The following LDLRAD3 variants were observed in gnomAD, a reference collection of about 807,000 sequenced individuals.
The protein encoded by LDLRAD3 is low-density lipoprotein receptor class A domain-containing protein 3.
In LDLRAD3, 20 loss-of-function variants were observed where a neutral mutation model predicts 29.4. The ratio of observed to expected loss-of-function variants is 0.68; its 90% confidence interval spans 0.48 to 0.99. The LOEUF is 0.99. Ranked by LOEUF, LDLRAD3 falls within the 50% of genes least tolerant of loss-of-function variation. LDLRAD3 has a pLI of 0.00. For missense variants in LDLRAD3, 420 were observed against 454.3 expected (o/e 0.92, Z 0.69); for synonymous variants, 157 against 192.7 (o/e 0.81, Z 1.53).
intron 1 of LDLRAD3, among the ~76,000 whole-genome samples, chr11:36,019,214 C>G (rs960237759): frequency 6.6e-6 from 1 of 152,136 alleles, no homozygotes. Flanking sequence ...GGGTTGGAGC[C>G]TGTTGGAGCT....
intron 4 of LDLRAD3, among the ~76,000 whole-genome samples, chr11:36,177,391 T>G (rs1439536106): frequency 6.6e-6 from 1 of 152,054 alleles, no homozygotes; most frequent in Non-Finnish European, 1.5e-5. Context: ...ATAAAGAACC[T>G]TGCTTTGTCA....
At chr11:36,165,896 G>A (rs915052524) in intron 4 of LDLRAD3, among the ~76,000 whole-genome samples, 6 of 151,034 alleles carry the variant, frequency 4.0e-5, no homozygotes, top group Admixed American at 3.3e-4. Flanking sequence ...TTTAGTAACC[G>A]TTGAGTGCCT....
chr11:36,120,157 T>C (rs1853732978), intron 4 of LDLRAD3, among the ~76,000 whole-genome samples: 1 of 152,262 alleles, frequency 6.6e-6, no homozygotes. Flanking sequence ...CTCCCTTGGC[T>C]ATATTTCTAG....
intron 1 of LDLRAD3, chr11:35,967,930 C>T (rs561957507): frequency 1.0e-4 from 40 of 391,006 alleles, no homozygotes; most frequent in Non-Finnish European, 1.6e-4. Flanking sequence ...ATAAACTTCA[C>T]GCAAAGCCAA....
intron 4 of LDLRAD3, among the ~76,000 whole-genome samples, chr11:36,159,564 G>A (rs1409259725): frequency 7.6e-6 from 1 of 131,666 alleles, no homozygotes; most frequent in Non-Finnish European, 1.5e-5. Context: ...TTCAAGACCA[G>A]CCTGGTCAAC....
intron 4 of LDLRAD3, among the ~76,000 whole-genome samples, chr11:36,128,318 G>C (rs946143335): frequency 6.6e-6 from 1 of 151,890 alleles, no homozygotes; most frequent in Non-Finnish European, 1.5e-5. Flanking sequence ...GGAGAATATT[G>C]GTCCATCTCA....
intron 1 of LDLRAD3, among the ~76,000 whole-genome samples, chr11:36,034,943 G>A (rs888803883): frequency 1.3e-5 from 2 of 152,188 alleles, no homozygotes; most frequent in African/African-American, 4.8e-5. Flanking sequence ...TCTTTGGCAA[G>A]GTTTATGAAA....
At chr11:36,054,980 TGGATGGATGGATGGA>T (rs1852594086) in intron 2 of LDLRAD3, among the ~76,000 whole-genome samples, 1 of 122,526 alleles carries the variant, frequency 8.2e-6, no homozygotes, top group Admixed American at 9.5e-5. Context: ...CATGGATGGA[TGGATGGATGGATGGA>T]TGGATGCATG....
chr11:36,128,159 AC>A (rs1554966887), intron 4 of LDLRAD3, among the ~76,000 whole-genome samples: 1 of 77,310 alleles, frequency 1.3e-5, no homozygotes. Flanking sequence ...AGGCAATTAA[AC>A]TTAGAATGGG....
intron 1 of LDLRAD3, among the ~76,000 whole-genome samples, chr11:35,991,867 T>TG (rs1565147663): frequency 0.016 from 1,319 of 82,770 alleles, 17 homozygotes; most frequent in African/African-American, 0.036. Context: ...GAATGGTTGT[T>TG]TGTGTGTGTG....
chr11:36,119,485 A>G (rs550734896), intron 4 of LDLRAD3, among the ~76,000 whole-genome samples: 64 of 149,624 alleles, frequency 4.3e-4, no homozygotes, highest in Non-Finnish European at 8.6e-4. Context: ...CATCCTCACC[A>G]GCACTTATTA....
intron 4 of LDLRAD3, among the ~76,000 whole-genome samples, chr11:36,107,679 G>A (rs996015318): frequency 3.9e-5 from 6 of 152,250 alleles, no homozygotes; most frequent in East Asian, 1.9e-4. Context: ...GTAACATGCC[G>A]TACAGGTTTA....
intron 4 of LDLRAD3, among the ~76,000 whole-genome samples, chr11:36,198,725 G>T (rs974775406): frequency 1.3e-5 from 2 of 152,162 alleles, no homozygotes; most frequent in African/African-American, 4.8e-5. Context: ...GAGCCTCCAG[G>T]TACCTTACAG....
chr11:36,013,316 T>C (rs1003075182), intron 1 of LDLRAD3, among the ~76,000 whole-genome samples: 1 of 152,210 alleles, frequency 6.6e-6, no homozygotes, highest in Non-Finnish European at 1.5e-5. Context: ...TTACTTTAAG[T>C]TCCGAGATAC....
chr11:36,191,586 A>C (rs1208456486), intron 4 of LDLRAD3, among the ~76,000 whole-genome samples: 53 of 94,916 alleles, frequency 5.6e-4, no homozygotes, highest in African/African-American at 1.3e-3. Flanking sequence ...CTATATATAT[A>C]TATATATATA....
chr11:36,142,657 C>G (rs72933542), intron 4 of LDLRAD3, among the ~76,000 whole-genome samples: 26,837 of 151,964 alleles, frequency 0.18, 2,578 homozygotes, highest in East Asian at 0.28. Context: ...CAGTGGTGCA[C>G]CCGGTGCAGC....
At chr11:36,068,811 C>G (rs759812110) in intron 2 of LDLRAD3, among the ~76,000 whole-genome samples, 1 of 152,170 alleles carries the variant, frequency 6.6e-6, no homozygotes, top group East Asian at 1.9e-4. Flanking sequence ...CCACCGCGCC[C>G]AGCCCAGAAA....
chr11:36,084,121 T>C (rs1853161332), intron 3 of LDLRAD3, among the ~76,000 whole-genome samples: 1 of 152,088 alleles, frequency 6.6e-6, no homozygotes, highest in African/African-American at 2.4e-5. Context: ...GATGACATTT[T>C]ACCCTGTTGC....
chr11:36,228,605 G>T (rs779186987), intron 5 of LDLRAD3, among the ~76,000 whole-genome samples: 1 of 152,250 alleles, frequency 6.6e-6, no homozygotes, highest in Non-Finnish European at 1.5e-5. Flanking sequence ...ATGGCAAAGT[G>T]CCTGGCTCAT....
Sources: allele counts gnomAD v4.1 joint callset (sites outside exome capture counted in the v4.1 genomes callset), GRCh38; gene constraint gnomAD v4.1.1; transcripts MANE v1.5; gene names NCBI Gene and HGNC (gene_info 2026-07-23, HGNC 2026-07-21).